MAPRE1: variants seen among roughly 807,000 people sequenced by gnomAD.
MAPRE1 encodes the protein microtubule-associated protein RP/EB family member 1.
In MAPRE1, 5 loss-of-function variants were observed where a neutral mutation model predicts 32.1. That is an observed-to-expected ratio of 0.16 (90% CI 0.08 to 0.33). The LOEUF is 0.33. Ranked by LOEUF, MAPRE1 falls within the 10% of genes least tolerant of loss-of-function variation. MAPRE1 has a pLI of 1.00. For synonymous variants in MAPRE1, 122 were observed against 118.9 expected (o/e 1.03, Z -0.17); for missense variants, 209 against 327.2 (o/e 0.64, Z 2.79).
intron 5 of MAPRE1, among the ~76,000 whole-genome samples, chr20:32,841,721 G>C (rs1004414133): frequency 1.6e-4 from 24 of 151,424 alleles, no homozygotes; most frequent in African/African-American, 5.8e-4. Context: ...CCAGGCTTGG[G>C]GTTCCATAGA....
chr20:32,839,677 T>C, intron 4 of MAPRE1, 58 bp from the exon 5 acceptor site: 5 of 1,540,958 alleles, frequency 3.2e-6, no homozygotes, highest in Non-Finnish European at 2.7e-6. Context: ...TCTTGTGGAT[T>C]TTTTGTTTGT....
chr20:32,847,862 C>T (rs1185216686), intron 6 of MAPRE1, among the ~76,000 whole-genome samples: 1 of 152,140 alleles, frequency 6.6e-6, no homozygotes, highest in Non-Finnish European at 1.5e-5. Context: ...TTTCCTTGTG[C>T]ACTCAATTTT....
chr20:32,845,384 C>T (rs242535), intron 5 of MAPRE1, among the ~76,000 whole-genome samples: 104,654 of 152,098 alleles, frequency 0.69, 38,121 homozygotes, highest in East Asian at 1. Flanking sequence ...TTTATTTCTG[C>T]GGCTGGTAAA....
chr20:32,839,591 A>C, intron 4 of MAPRE1, 144 bp from the exon 5 acceptor site: 1 of 1,107,530 alleles, frequency 9.0e-7, no homozygotes, highest in Non-Finnish European at 1.3e-6. Context: ...GTTGTCTTGC[A>C]TGCGGGGGCT....
chr20:32,841,365 TA>T (rs1983354918), intron 5 of MAPRE1, among the ~76,000 whole-genome samples: 1 of 152,028 alleles, frequency 6.6e-6, no homozygotes, highest in Non-Finnish European at 1.5e-5. Flanking sequence ...AAAGAGTGGT[TA>T]ATGTTGAGGC....
chr20:32,844,507 C>T (rs758206850), intron 5 of MAPRE1, among the ~76,000 whole-genome samples: 2 of 136,954 alleles, frequency 1.5e-5, no homozygotes, highest in Non-Finnish European at 3.0e-5. Flanking sequence ...TTCCGCCTCC[C>T]GGGTTCAAGT....
chr20:32,828,461 G>T (rs1203208079), intron 2 of MAPRE1, among the ~76,000 whole-genome samples: 1 of 152,238 alleles, frequency 6.6e-6, no homozygotes, highest in Non-Finnish European at 1.5e-5. Context: ...CGGGCTCTAG[G>T]TTTATCTCAT....
Position 32,839,717 on chromosome 20 carries a change from C to G in MAPRE1, c.476-18C>G. ...GCTGGAATTACTCCTTTTCAAAAAC[C>G]TGTGCTCTCTTTTTCAGCTCCCCAG... is the stretch of plus-strand genomic sequence containing the variant. On this transcript the variant is annotated intron_variant, in intron 4 of 6. Transcript: ENST00000375571. 2 of 1,612,386 alleles carry G rather than the reference C, an allele frequency of 1.2e-6. No homozygotes were observed. Among genetic ancestry groups the G allele is most frequent in the Non-Finnish European group, 1.7e-6 (2 of 1,179,522 alleles).
intron 1 of MAPRE1, among the ~76,000 whole-genome samples, chr20:32,823,931 C>G (rs1323474825): frequency 1.3e-5 from 2 of 152,184 alleles, no homozygotes; most frequent in African/African-American, 4.8e-5. Context: ...GAATAAAATC[C>G]TAACTCCTTC....
chr20:32,843,811 G>A (rs1311656270), intron 5 of MAPRE1, among the ~76,000 whole-genome samples: 1 of 151,532 alleles, frequency 6.6e-6, no homozygotes, highest in Non-Finnish European at 1.5e-5. Context: ...TTTACCTCAA[G>A]ATAAGGTTCT....
intron 2 of MAPRE1, among the ~76,000 whole-genome samples, chr20:32,832,892 C>T (rs190166307): frequency 8.6e-5 from 12 of 139,734 alleles, no homozygotes; most frequent in Admixed American, 1.5e-4. Context: ...TGCGGTGAGC[C>T]GAGATCACGC....
chr20:32,832,030 G>A (rs1436449850), intron 2 of MAPRE1, among the ~76,000 whole-genome samples: 2 of 151,628 alleles, frequency 1.3e-5, no homozygotes, highest in Non-Finnish European at 2.9e-5. Flanking sequence ...AGAAATCAAG[G>A]CCTTAACCTT....
At chr20:32,842,002 G>GTTTTTT (rs921217122) in intron 5 of MAPRE1, among the ~76,000 whole-genome samples, 1 of 145,030 alleles carries the variant, frequency 6.9e-6, no homozygotes, top group African/African-American at 2.5e-5. Context: ...ACAGGAACCA[G>GTTTTTT]TTTTTTTTTT....
intron 3 of MAPRE1, 135 bp downstream of exon 3, chr20:32,833,997 G>C (rs1428043631): frequency 1.2e-6 from 1 of 807,246 alleles, no homozygotes; most frequent in African/African-American, 1.8e-5. Context: ...AGTTAACACA[G>C]AATTTACTGG....
At chr20:32,845,573 C>T (rs1483452018) in intron 5 of MAPRE1, among the ~76,000 whole-genome samples, 2 of 152,132 alleles carry the variant, frequency 1.3e-5, no homozygotes, top group Non-Finnish European at 2.9e-5. Context: ...GAGACTTGAT[C>T]TCCTCTGTTG....
At chr20:32,836,476 C>G (rs763599322) in intron 3 of MAPRE1, among the ~76,000 whole-genome samples, 158 bp from the exon 4 acceptor site, 1 of 152,160 alleles carries the variant, frequency 6.6e-6, no homozygotes, top group Non-Finnish European at 1.5e-5. Flanking sequence ...AGGCAAACTG[C>G]ATGAAACTTG....
At chr20:32,846,514 G>A in intron 5 of MAPRE1, 104 bp from the exon 6 acceptor site, 1 of 1,050,114 alleles carries the variant, frequency 9.5e-7, no homozygotes, top group Non-Finnish European at 1.5e-6. Context: ...TGTCTGTGTT[G>A]GGGTTTGATC....
At chr20:32,836,948 A>G (rs1228928538) in intron 4 of MAPRE1, 107 bp downstream of exon 4, 1 of 978,490 alleles carries the variant, frequency 1.0e-6, no homozygotes, top group East Asian at 2.6e-5. Flanking sequence ...ATCTTAAGAA[A>G]TATAATCCCA....
chr20:32,839,695 G>T, intron 4 of MAPRE1, 40 bp from the exon 5 acceptor site: 1 of 1,608,548 alleles, frequency 6.2e-7, no homozygotes, highest in Admixed American at 1.7e-5. Context: ...TGTTTGGGCT[G>T]GAATTACTCC....
Sources: allele counts gnomAD v4.1 joint callset (sites outside exome capture counted in the v4.1 genomes callset), GRCh38; gene constraint gnomAD v4.1.1; transcripts MANE v1.5; gene names NCBI Gene and HGNC (gene_info 2026-07-23, HGNC 2026-07-21).